SCIN: variants seen among roughly 807,000 people sequenced by gnomAD.
The protein encoded by SCIN is scinderin, also known as adseverin.
SCIN carries 91 observed loss-of-function variants against 91.8 expected under a neutral mutation model. That is an observed-to-expected ratio of 0.99 (90% CI 0.84 to 1.18). The LOEUF (loss-of-function observed/expected upper bound fraction) is 1.18, where lower values mean the gene tolerates loss of function less well. Among genes scored for constraint, SCIN ranks in the 50% most tolerant of loss-of-function variants. The pLI, the probability that SCIN is intolerant of heterozygous loss-of-function variation, is 0.00. For synonymous variants in SCIN, 367 were observed against 312.6 expected (o/e 1.17, Z -1.84); for missense variants, 1,087 against 863.9 (o/e 1.26, Z -3.24).
At chr7:12,596,415 T>G (rs1323828792) in intron 3 of SCIN, 1 of 455,370 alleles carries the variant, frequency 2.2e-6, no homozygotes, top group South Asian at 1.6e-5. Context: ...TGCATTCACT[T>G]TAGTGCAACA....
chr7:12,627,501 C>T (rs1783551163), intron 8 of SCIN, among the ~76,000 whole-genome samples: 1 of 152,136 alleles, frequency 6.6e-6, no homozygotes, highest in African/African-American at 2.4e-5. Context: ...CTAGAGCTCT[C>T]ATCGATTCCT....
At chr7:12,613,447 T>C (rs1174574719) in intron 4 of SCIN, among the ~76,000 whole-genome samples, 1 of 152,194 alleles carries the variant, frequency 6.6e-6, no homozygotes, top group Non-Finnish European at 1.5e-5. Flanking sequence ...GATACGAAAA[T>C]GTTAAATATG....
rs952354699 is a variant in SCIN, at chr7:12,655,973, C to G, written c.*3258C>G. The stretch of plus-strand genomic sequence containing the variant: ...GAAATTCATACTCAACTCAGTCAAA[C>G]AGAGGTCCTGCATTTACCTCTTGGT... On this transcript the variant is annotated 3_prime_UTR_variant, in exon 16 of 16. Coordinates refer to ENST00000297029, the MANE Select transcript of SCIN (RefSeq NM_001112706.3). The G allele has an allele frequency of 6.6e-6, 1 of 152,206 alleles. No homozygotes were observed. Among genetic ancestry groups the G allele is most frequent in the African/African-American group, 2.4e-5 (1 of 41,446 alleles). 9.4% of individuals were successfully genotyped at this position (152,206 alleles called of 1,614,324 possible). A position where few individuals can be genotyped will look rare whatever the true frequency, so the allele number is the denominator to read the frequency against.
At chr7:12,615,044 T>C (rs1415138719) in intron 4 of SCIN, among the ~76,000 whole-genome samples, 1 of 152,152 alleles carries the variant, frequency 6.6e-6, no homozygotes, top group East Asian at 1.9e-4. Flanking sequence ...AATCTGTGGA[T>C]CACACCCAAA....
In SCIN at chr7:12,570,962, C is replaced by T. The variant is rs1448723861; in HGVS notation, c.176C>T (p.Thr59Ile). 3 of 1,551,204 alleles carry T rather than the reference C, an allele frequency of 1.9e-6. No individual in the cohort carries two copies. The highest frequency in any genetic ancestry group is 8.7e-7 in the Non-Finnish European group (1 of 1,146,776). The change falls in exon 1 of 16, where the codon ACC (threonine) becomes ATC (isoleucine). Residue 59 changes from threonine (T) to isoleucine (I), a missense_variant. Coordinates refer to ENST00000297029, the MANE Select transcript of SCIN (RefSeq NM_001112706.3). The part of the protein sequence containing the change: ...LHTAKTSRGF[T>I]YHLHFWLGKE... Reference sequence around the variant, plus strand: ...ACGGCCAAGACGAGCCGAGGCTTCACCTACCACCTGCACTTCTGGCTCGGT... The same window carrying T: ...ACGGCCAAGACGAGCCGAGGCTTCATCTACCACCTGCACTTCTGGCTCGGT...
intron 8 of SCIN, among the ~76,000 whole-genome samples, chr7:12,627,777 C>T (rs754087901): frequency 1.6e-4 from 25 of 152,130 alleles, no homozygotes; most frequent in Non-Finnish European, 2.8e-4. Context: ...GCTCAGCCCT[C>T]CTGGCAAACT....
chr7:12,636,105 G>A lies in SCIN; in HGVS notation c.1380G>A (p.Leu460=). 1 of 1,613,034 alleles carries A rather than the reference G, an allele frequency of 6.2e-7. No homozygotes were observed. The highest frequency in any genetic ancestry group is 8.5e-7 in the Non-Finnish European group (1 of 1,179,622). Reference sequence around the variant, plus strand: ...CATCTGCGTTCCTGACTGTTCAGTTGGATCGGTCCCTTGGAGGACAGGCTG... The same window carrying A: ...CATCTGCGTTCCTGACTGTTCAGTTAGATCGGTCCCTTGGAGGACAGGCTG... ...LTTSAFLTVQ[L]DRSLGGQAVQ... The change falls in exon 10 of 16, where the codon TTG becomes TTA. Residue 460 remains leucine, a synonymous_variant. Transcript: ENST00000297029.
At chr7:12,601,793 C>A (rs1469501365) in intron 3 of SCIN, among the ~76,000 whole-genome samples, 1 of 152,176 alleles carries the variant, frequency 6.6e-6, no homozygotes, top group African/African-American at 2.4e-5. Context: ...TTTGTTTCTA[C>A]TTAAATGTAA....
At position 12,640,333 on chromosome 7, in the gene SCIN, C is replaced by G. The variant is rs753653156; in HGVS notation, c.1411-14C>G. 7.1e-6 allele frequency: 11 copies of G among 1,559,838 alleles called. No individual in the cohort carries two copies. The South Asian group carries it at 9.9e-5, about 14-fold the overall frequency. On this transcript the variant is annotated splice_polypyrimidine_tract_variant and intron_variant, in intron 10 of 15. Coordinates refer to ENST00000297029, the MANE Select transcript of SCIN (RefSeq NM_001112706.3). ...CTTAATTATATTTCTTTTATTCCCC[C>G]TCTCCCCCATCAGATCCGAGTCTCC...
chr7:12,594,672 C>T (rs1431443171), intron 3 of SCIN, among the ~76,000 whole-genome samples: 3 of 151,964 alleles, frequency 2.0e-5, no homozygotes, highest in Non-Finnish European at 4.4e-5. Context: ...GACTGAGAGG[C>T]TCCCATAGTG....
chr7:12,577,198 C>T (rs913915961), intron 1 of SCIN, among the ~76,000 whole-genome samples: 1 of 152,114 alleles, frequency 6.6e-6, no homozygotes, highest in African/African-American at 2.4e-5. Flanking sequence ...TCCTTTCCTC[C>T]AGAGATCATT....
At chr7:12,573,937 G>A (rs1782318824) in intron 1 of SCIN, among the ~76,000 whole-genome samples, 1 of 152,156 alleles carries the variant, frequency 6.6e-6, no homozygotes, top group Non-Finnish European at 1.5e-5. Flanking sequence ...CATTGCTGGA[G>A]CATGGGGGTG....
chr7:12,577,884 T>G, intron 1 of SCIN, 180 bp from the exon 2 acceptor site: 1 of 577,056 alleles, frequency 1.7e-6, no homozygotes, highest in African/African-American at 1.9e-5. Context: ...CTAAAAAAAT[T>G]GTTAATTATT....
At chr7:12,646,000 C>T (rs1314222316) in intron 13 of SCIN, among the ~76,000 whole-genome samples, 8 of 151,994 alleles carry the variant, frequency 5.3e-5, no homozygotes, top group Admixed American at 6.6e-5. Flanking sequence ...AATTTCCCAG[C>T]GGAGTAAAAA....
chr7:12,635,485 G>A (rs1317203913), intron 9 of SCIN, among the ~76,000 whole-genome samples: 3 of 149,780 alleles, frequency 2.0e-5, no homozygotes, highest in African/African-American at 7.4e-5. Context: ...GGTGGCAGGC[G>A]CCTGTAATCC....
At chr7:12,607,120 G>A (rs528465544) in intron 4 of SCIN, among the ~76,000 whole-genome samples, 8 of 152,192 alleles carry the variant, frequency 5.3e-5, no homozygotes, top group East Asian at 1.9e-4. Context: ...ATTAACTATC[G>A]GACATCACTC....
At position 12,628,422 on chromosome 7, in the gene SCIN, A is replaced by T. The variant is rs377596638; in HGVS notation, c.1198-679A>T. Among the ~76,000 whole-genome samples the T allele has an allele frequency of 1.7e-4, 26 of 152,156 alleles. No homozygotes were observed. The South Asian group carries it at 5.0e-3, about 29-fold the overall frequency. ...TGATGGGCTCAGTGTTTGGTGGAGG[A>T]TCCACTTTCAGGTTCATAGACTTTT... On this transcript the variant is annotated intron_variant, in intron 8 of 15. Coordinates refer to ENST00000297029, the MANE Select transcript of SCIN (RefSeq NM_001112706.3).
chr7:12,656,724 C>G lies in SCIN; in HGVS notation c.*4009C>G, dbSNP rs968181190. The G allele has an allele frequency of 6.6e-6, 1 of 152,166 alleles. No homozygotes were observed. Among genetic ancestry groups the G allele is most frequent in the Admixed American group, 6.5e-5 (1 of 15,280 alleles). 9.4% of individuals were successfully genotyped at this position (152,166 alleles called of 1,614,324 possible). ...GGATCACGAGGCCAGGAGTCCGAGA[C>G]CAGCCTGACCAACATAGTGAAACCC... On this transcript the variant is annotated 3_prime_UTR_variant, in exon 16 of 16. Transcript: ENST00000297029.
intron 3 of SCIN, among the ~76,000 whole-genome samples, chr7:12,585,254 T>C (rs913284809): frequency 5.4e-4 from 82 of 152,250 alleles, no homozygotes; most frequent in African/African-American, 1.9e-3. Flanking sequence ...ATGCACGTGA[T>C]TCTTGTGTTG....
Sources: allele counts gnomAD v4.1 joint callset (sites outside exome capture counted in the v4.1 genomes callset), GRCh38; gene constraint gnomAD v4.1.1; transcripts MANE v1.5; gene names NCBI Gene and HGNC (gene_info 2026-07-23, HGNC 2026-07-21).